Variants in TTC34 observed in about 807,000 individuals in gnomAD.
TTC34 encodes tetratricopeptide repeat protein 34.
Under a neutral mutation model 40.7 loss-of-function variants are expected in TTC34, and 44 were observed. The ratio of observed to expected loss-of-function variants is 1.08; its 90% CI spans 0.85 to 1.39. TTC34 has a LOEUF of 1.39. Ranked by LOEUF, TTC34 falls within the 40% of genes most tolerant of loss-of-function variation. The pLI is 0.00. For synonymous variants in TTC34, 422 were observed against 398.6 expected (o/e 1.06, Z -0.70); for missense variants, 884 against 838.0 (o/e 1.05, Z -0.68).
intron 6 of TTC34, among the ~76,000 whole-genome samples, chr1:2,781,733 T>G (rs1194828392): frequency 1.3e-5 from 2 of 152,214 alleles, no homozygotes; most frequent in South Asian, 4.1e-4. Flanking sequence ...CATAAAAGGG[T>G]GCTGAATTTT....
Position 2,645,472 on chromosome 1 carries a change from A to G in TTC34, c.2318T>C (p.Leu773Pro), listed in dbSNP as rs1639002162. The change falls in exon 7 of 9, where the codon CTC (leucine) becomes CCC (proline). Residue 773 changes from leucine (L) to proline (P), a missense_variant. Transcript: ENST00000401095. This position sits in a 1 kb window ranked among gnomAD's most constrained non-coding sequence, Gnocchi z 4.7. ...GTGGGAGTAGAGGCCCTGTGTGATG[A>G]GGGCCTGGGCTTCCGGCTTCAGAGA... The G allele has an allele frequency of 6.6e-7, 1 of 1,520,094 alleles. No individual in the cohort carries two copies. Among genetic ancestry groups the G allele is most frequent in the African/African-American group, 1.4e-5 (1 of 70,742 alleles). 94.2% of individuals were successfully genotyped at this position (1,520,094 alleles called of 1,614,324 possible).
intron 3 of TTC34, 147 bp from the exon 4 acceptor site, chr1:2,787,853 A>T: frequency 1.6e-6 from 1 of 623,204 alleles, no homozygotes; most frequent in Non-Finnish European, 2.7e-6. Flanking sequence ...CCATCCCCAG[A>T]AGCCAAAGGT....
intron 6 of TTC34, among the ~76,000 whole-genome samples, chr1:2,752,923 C>T (rs1220833813): frequency 7.4e-6 from 1 of 135,990 alleles, no homozygotes; most frequent in East Asian, 2.3e-4. Flanking sequence ...CATCCTGAAA[C>T]AGCTCCCACA....
intron 6 of TTC34, among the ~76,000 whole-genome samples, chr1:2,683,424 AC>A (rs1640169994): frequency 3.2e-5 from 3 of 94,212 alleles, no homozygotes; most frequent in Non-Finnish European, 6.4e-5. Flanking sequence ...CTGGAACACC[AC>A]CCTTCACCCC....
chr1:2,764,268 G>A (rs1375434123), intron 6 of TTC34, among the ~76,000 whole-genome samples: 43 of 149,018 alleles, frequency 2.9e-4, no homozygotes, highest in Non-Finnish European at 5.5e-4. Context: ...ACACCCCCAG[G>A]CGAGCATCTG....
chr1:2,776,317 G>C (rs1643156979), intron 6 of TTC34: 1 of 125,558 alleles, frequency 8.0e-6, no homozygotes, highest in Admixed American at 7.5e-5. Flanking sequence ...CATGGAACAA[G>C]ACCACTGCCC....
rs2100989130 is a variant in TTC34, at chr1:2,645,995, T to C, written c.2227-432A>G. ...GGGGGACGCTGGAGCTCCTTGGGTA[T>C]CCGGGTGCTGCTCCCAGTGCCTGTG... On this transcript the variant is annotated intron_variant, in intron 6 of 8. Coordinates refer to ENST00000401095, the Ensembl canonical transcript of TTC34. The surrounding 1 kb of genome is among the most constrained non-coding windows in gnomAD (Gnocchi z 4.7). 6.6e-6 allele frequency among the ~76,000 whole-genome samples: 1 copy of C among 152,068 alleles called. No homozygotes were observed. Among genetic ancestry groups the C allele is most frequent in the African/African-American group, 2.4e-5 (1 of 41,468 alleles).
chr1:2,684,482 G>A (rs1189850947), intron 6 of TTC34, among the ~76,000 whole-genome samples: 2 of 149,848 alleles, frequency 1.3e-5, no homozygotes, highest in East Asian at 1.9e-4. Context: ...CACACACCCA[G>A]GCGAGCATCT....
chr1:2,645,567 CAAGG>C lies in TTC34; in HGVS notation c.2227-8_2227-5del. On this transcript the variant is annotated splice_polypyrimidine_tract_variant and splice_region_variant and intron_variant, in intron 6 of 8. Coordinates refer to ENST00000401095, the Ensembl canonical transcript of TTC34. This position sits in a 1 kb window ranked among gnomAD's most constrained non-coding sequence, Gnocchi z 4.7. ...AGACGATGTCGTCCACGGCTTCCTG[CAAGG>C]AGGGAGGGCGGGCGGGTGCAGAGTT... 2 of 304,960 alleles carry C rather than the reference CAAGG, an allele frequency of 6.6e-6. No individual in the cohort carries two copies. The highest frequency in any genetic ancestry group is 4.3e-6 in the Non-Finnish European group (1 of 234,396). The allele number at this position is 304,960 out of a possible 1,614,324, so 18.9% of individuals were successfully genotyped here.
chr1:2,700,572 T>TG (rs1641086367), intron 6 of TTC34, among the ~76,000 whole-genome samples: 1 of 98,662 alleles, frequency 1.0e-5, no homozygotes, highest in African/African-American at 3.1e-5. Flanking sequence ...AACAGCACCC[T>TG]GCACCCCCAG....
chr1:2,760,184 C>G (rs1470558263), intron 6 of TTC34, among the ~76,000 whole-genome samples: 2 of 114,290 alleles, frequency 1.7e-5, no homozygotes, highest in African/African-American at 4.2e-5. Context: ...ATCTGACCGC[C>G]CGGAGCAGCA....
At chr1:2,654,171 C>G (rs1456105937) in intron 6 of TTC34, among the ~76,000 whole-genome samples, 3 of 151,896 alleles carry the variant, frequency 2.0e-5, no homozygotes, top group Admixed American at 6.6e-5. Context: ...CACCCACACC[C>G]CCAGGCGAGC....
intron 6 of TTC34, among the ~76,000 whole-genome samples, chr1:2,748,974 A>T (rs1641231672): frequency 7.5e-6 from 1 of 134,106 alleles, no homozygotes; most frequent in African/African-American, 3.0e-5. Context: ...CCAGGTGAGC[A>T]TCTGACGGCC....
intron 3 of TTC34, 131 bp downstream of exon 3, chr1:2,789,372 G>C (rs1340472758): frequency 5.8e-6 from 5 of 861,590 alleles, no homozygotes; most frequent in African/African-American, 1.8e-5. Flanking sequence ...GACCTGCCTC[G>C]GGTGCTTTGG....
rs1431242539 is a variant in TTC34, at chr1:2,691,799, C to T, written c.2227-46236G>A. ...GCACCCACACCCCCAGGCGAGCATC[C>T]GACAGCCTGGAGCAGCACCCACACC... On this transcript the variant is annotated intron_variant, in intron 6 of 8. Coordinates refer to ENST00000401095, the Ensembl canonical transcript of TTC34. 3.0e-3 allele frequency among the ~76,000 whole-genome samples: 167 copies of T among 56,496 alleles called. 2 individuals are homozygous for T. The highest frequency in any genetic ancestry group is 5.3e-3 in the South Asian group (9 of 1,706). The allele number at this position is 56,496 out of a possible 152,430, so 37.1% of individuals were successfully genotyped here.
intron 4 of TTC34, 50 bp downstream of exon 4, chr1:2,787,431 C>G (rs2100626577): frequency 7.0e-7 from 1 of 1,433,262 alleles, no homozygotes; most frequent in Middle Eastern, 2.6e-4. Context: ...GCCCTCTTCC[C>G]AGCTGGGCCC....
At chr1:2,767,900 A>T (rs1641828161) in intron 6 of TTC34, among the ~76,000 whole-genome samples, 1 of 144,584 alleles carries the variant, frequency 6.9e-6, no homozygotes, top group South Asian at 2.3e-4. Flanking sequence ...CCAGATGAGC[A>T]TCTGACAACC....
chr1:2,782,520 T>C (rs916225589), intron 6 of TTC34, among the ~76,000 whole-genome samples: 4 of 138,846 alleles, frequency 2.9e-5, no homozygotes, highest in Non-Finnish European at 4.7e-5. Context: ...CTCTCTCTCT[T>C]TCTTTCTCTT....
intron 6 of TTC34, among the ~76,000 whole-genome samples, chr1:2,764,521 A>T (rs1271510100): frequency 2.0e-5 from 3 of 147,982 alleles, no homozygotes; most frequent in African/African-American, 7.4e-5. Flanking sequence ...AGCATCTGGC[A>T]GCCTGGAGCA....
Sources: allele counts gnomAD v4.1 joint callset (sites outside exome capture counted in the v4.1 genomes callset), GRCh38; gene constraint gnomAD v4.1.1; non-coding constraint Gnocchi (gnomAD v3.1); transcripts MANE v1.5; gene names NCBI Gene and HGNC (gene_info 2026-07-23, HGNC 2026-07-21).